Variants in PCDH9 observed in about 807,000 individuals in gnomAD.
The protein encoded by PCDH9 is protocadherin 9.
In PCDH9, 24 loss-of-function variants were observed where a neutral mutation model predicts 70.6. The observed-to-expected ratio is 0.34, with a 90% CI of 0.25 to 0.48. PCDH9 has a LOEUF of 0.48. Among genes scored for constraint, PCDH9 ranks in the 20% least tolerant of loss-of-function variants. PCDH9 has a pLI of 0.99. For synonymous variants in PCDH9, 562 were observed against 558.5 expected, an observed-to-expected ratio of 1.01 and a Z score of -0.09; for missense variants, 1,281 against 1,503.6, an observed-to-expected ratio of 0.85 and a Z score of 2.45.
intron 4 of PCDH9, among the ~76,000 whole-genome samples, chr13:66,443,752 T>A (rs775881422): frequency 6.6e-6 from 1 of 152,128 alleles, no homozygotes; most frequent in Non-Finnish European, 1.5e-5. Flanking sequence ...AATATATAGA[T>A]AAAGATAAGT....
Position 67,059,307 on chromosome 13 carries a change from C to T in PCDH9, c.3037-155702G>A, listed in dbSNP as rs910801856. 1.3e-4 allele frequency among the ~76,000 whole-genome samples: 18 copies of T among 141,030 alleles called. No individual in the cohort carries two copies. The East Asian group carries it at 2.1e-3, about 16-fold the overall frequency. 92.5% of individuals were successfully genotyped at this position (141,030 alleles called of 152,430 possible). A position where few individuals can be genotyped will look rare whatever the true frequency, so the allele number is the denominator to read the frequency against. On this transcript the variant is annotated intron_variant, in intron 2 of 4. Transcript: ENST00000377865. The stretch of plus-strand genomic sequence containing the variant: ...TCTCGTGAATCTGACATTTCAATGG[C>T]GAGACAGGAGTAAAAAAAAAAACAA...
At chr13:66,412,290 C>G (rs1207205185) in intron 4 of PCDH9, among the ~76,000 whole-genome samples, 2 of 152,154 alleles carry the variant, frequency 1.3e-5, no homozygotes, top group African/African-American at 4.8e-5. Flanking sequence ...GCCTTCTAAG[C>G]AGCTGGGACT....
At chr13:67,184,871 A>C (rs999752697) in intron 2 of PCDH9, among the ~76,000 whole-genome samples, 1 of 152,128 alleles carries the variant, frequency 6.6e-6, no homozygotes, top group African/African-American at 2.4e-5. Context: ...ACCTTTTCTG[A>C]CCTGTCAAAA....
At chr13:67,017,994 G>A (rs2139853465) in intron 2 of PCDH9, among the ~76,000 whole-genome samples, 1 of 152,190 alleles carries the variant, frequency 6.6e-6, no homozygotes, top group Middle Eastern at 3.4e-3. Flanking sequence ...TTGGACACAG[G>A]CACATGTCTT....
intron 3 of PCDH9, among the ~76,000 whole-genome samples, chr13:66,714,507 G>A (rs1169392338): frequency 6.6e-6 from 1 of 151,466 alleles, no homozygotes; most frequent in African/African-American, 2.4e-5. Flanking sequence ...TTATAGGAAT[G>A]AAGAGCAGTT....
At chr13:66,915,076 A>T (rs2139630256) in intron 2 of PCDH9, 1 of 151,766 alleles carries the variant, frequency 6.6e-6, no homozygotes, top group African/African-American at 2.4e-5. Flanking sequence ...TATGATATGG[A>T]GGTGGGGGGC....
intron 3 of PCDH9, among the ~76,000 whole-genome samples, chr13:66,833,673 C>T (rs899984510): frequency 6.6e-6 from 1 of 152,140 alleles, no homozygotes; most frequent in Non-Finnish European, 1.5e-5. Flanking sequence ...GTAATTTTGA[C>T]ATTTCTCCCT....
intron 4 of PCDH9, among the ~76,000 whole-genome samples, chr13:66,621,978 C>T (rs566529979): frequency 1.3e-4 from 20 of 152,314 alleles, no homozygotes; most frequent in African/African-American, 4.3e-4. Context: ...CGGGGCTGCG[C>T]GTGGGGCTTG....
intron 3 of PCDH9, among the ~76,000 whole-genome samples, chr13:66,714,842 T>C (rs1383604175): frequency 6.6e-6 from 1 of 152,152 alleles, no homozygotes; most frequent in African/African-American, 2.4e-5. Flanking sequence ...GCAGCACATA[T>C]TCAACAATTG....
intron 3 of PCDH9, among the ~76,000 whole-genome samples, chr13:66,699,653 G>C (rs1222579929): frequency 6.6e-6 from 1 of 152,120 alleles, no homozygotes; most frequent in East Asian, 1.9e-4. Flanking sequence ...TCTTTGCCTA[G>C]AGCCTCCTGA....
At chr13:66,605,969 G>A (rs972747026) in intron 4 of PCDH9, among the ~76,000 whole-genome samples, 7 of 152,034 alleles carry the variant, frequency 4.6e-5, no homozygotes, top group African/African-American at 1.7e-4. Context: ...AGATTTGCAG[G>A]ATCTAAAATG....
intron 4 of PCDH9, among the ~76,000 whole-genome samples, chr13:66,440,117 A>G (rs2138398717): frequency 6.6e-6 from 1 of 152,316 alleles, no homozygotes; most frequent in Middle Eastern, 3.4e-3. Context: ...TAGTAAACGA[A>G]AGATGAAAAC....
intron 3 of PCDH9, among the ~76,000 whole-genome samples, chr13:66,829,002 G>T (rs766845032): frequency 1.2e-4 from 17 of 137,974 alleles, no homozygotes; most frequent in African/African-American, 2.0e-4. Flanking sequence ...GAAAGATTCT[G>T]TGGGTCTTTT....
chr13:66,450,197 G>A (rs1007482201), intron 4 of PCDH9, among the ~76,000 whole-genome samples: 5 of 152,108 alleles, frequency 3.3e-5, no homozygotes, highest in Admixed American at 6.6e-5. Flanking sequence ...TAGAGGGTGT[G>A]CAATTAGTTA....
At chr13:66,439,528 A>G (rs1298768223) in intron 4 of PCDH9, among the ~76,000 whole-genome samples, 1 of 152,174 alleles carries the variant, frequency 6.6e-6, no homozygotes, top group African/African-American at 2.4e-5. Flanking sequence ...CTGTATACAT[A>G]TATCAATATG....
chr13:67,013,264 A>AACACACACACAC (rs111347560), intron 2 of PCDH9, among the ~76,000 whole-genome samples: 4,902 of 144,420 alleles, frequency 0.034, 101 homozygotes, highest in African/African-American at 0.037. Context: ...TTTTTAATGT[A>AACACACACACAC]ACACACACAC....
At chr13:67,059,723 T>C (rs1438568364) in intron 2 of PCDH9, among the ~76,000 whole-genome samples, 1 of 151,940 alleles carries the variant, frequency 6.6e-6, no homozygotes, top group African/African-American at 2.4e-5. Flanking sequence ...GATGCATTTA[T>C]TTCTGTTGTG....
chr13:66,874,955 G>C (rs965753207), intron 3 of PCDH9, among the ~76,000 whole-genome samples: 2 of 151,444 alleles, frequency 1.3e-5, no homozygotes, highest in Non-Finnish European at 2.9e-5. Context: ...GAGAGAGAGA[G>C]AGAGAGAGAC....
intron 2 of PCDH9, among the ~76,000 whole-genome samples, chr13:67,124,225 G>A (rs1196706238): frequency 2.0e-5 from 3 of 152,106 alleles, no homozygotes; most frequent in African/African-American, 7.2e-5. Flanking sequence ...ACCAAACTGA[G>A]TTTTAAGCAT....
Sources: allele counts gnomAD v4.1 joint callset (sites outside exome capture counted in the v4.1 genomes callset), GRCh38; gene constraint gnomAD v4.1.1; transcripts MANE v1.5; gene names NCBI Gene and HGNC (gene_info 2026-07-23, HGNC 2026-07-21).